The following LAPTM4B variants were observed in gnomAD, a reference collection of about 807,000 sequenced individuals.
LAPTM4B encodes lysosomal-associated transmembrane protein 4B.
LAPTM4B carries 26 observed loss-of-function variants against 28.5 expected under a neutral mutation model. The observed-to-expected ratio is 0.91, with a 90% CI of 0.67 to 1.27. LAPTM4B has a LOEUF of 1.27. Among genes scored for constraint, LAPTM4B ranks in the 50% most tolerant of loss-of-function variants. LAPTM4B has a pLI of 0.00. For missense variants in LAPTM4B, 288 were observed against 285.8 expected (o/e 1.01, Z -0.06); for synonymous variants, 109 against 106.4 (o/e 1.02, Z -0.15).
At chr8:97,800,484 C>CTTTTTTTT (rs546425169) in intron 1 of LAPTM4B, among the ~76,000 whole-genome samples, 6 of 69,322 alleles carry the variant, frequency 8.7e-5, no homozygotes, top group African/African-American at 3.7e-4. Context: ...CCCTTGACCT[C>CTTTTTTTT]TTTTTTTTTT....
intron 6 of LAPTM4B, among the ~76,000 whole-genome samples, chr8:97,829,678 A>G (rs1817149530): frequency 6.7e-6 from 1 of 150,340 alleles, no homozygotes; most frequent in Non-Finnish European, 1.5e-5. Flanking sequence ...TTTTTGCTGA[A>G]TTTTTCTTTT....
intron 5 of LAPTM4B, among the ~76,000 whole-genome samples, chr8:97,820,827 C>T (rs771823607): frequency 4.0e-5 from 6 of 151,894 alleles, no homozygotes; most frequent in Non-Finnish European, 8.8e-5. Context: ...CTCCTAGGTT[C>T]AAGCAATTCT....
intron 6 of LAPTM4B, among the ~76,000 whole-genome samples, chr8:97,844,122 GT>G (rs1240335313): frequency 1.3e-4 from 19 of 151,510 alleles, no homozygotes; most frequent in Admixed American, 1.3e-3. Flanking sequence ...GGAGAGGGGG[GT>G]CTCTGTCATA....
At chr8:97,782,800 C>T (rs958826160) in intron 1 of LAPTM4B, among the ~76,000 whole-genome samples, 3 of 151,842 alleles carry the variant, frequency 2.0e-5, no homozygotes, top group African/African-American at 4.8e-5. Context: ...GGTGCAGTCT[C>T]GGCTCACTGC....
At chr8:97,837,195 C>CTTTTT (rs55645609) in intron 6 of LAPTM4B, among the ~76,000 whole-genome samples, 7 of 136,994 alleles carry the variant, frequency 5.1e-5, no homozygotes, top group Non-Finnish European at 7.8e-5. Flanking sequence ...CCTCCTGCCA[C>CTTTTT]TTTTTTTTTT....
At chr8:97,792,974 A>G (rs1586322762) in intron 1 of LAPTM4B, among the ~76,000 whole-genome samples, 1 of 152,198 alleles carries the variant, frequency 6.6e-6, no homozygotes, top group South Asian at 2.1e-4. Context: ...TCTGGTGTTA[A>G]TAGTGTCACC....
At chr8:97,840,621 C>G (rs1817330151) in intron 6 of LAPTM4B, among the ~76,000 whole-genome samples, 1 of 148,952 alleles carries the variant, frequency 6.7e-6, no homozygotes, top group Admixed American at 6.6e-5. Context: ...CTGTGAGGTA[C>G]TGTTACAAGG....
intron 6 of LAPTM4B, among the ~76,000 whole-genome samples, chr8:97,850,750 A>C (rs1024546676): frequency 2.1e-5 from 3 of 145,676 alleles, no homozygotes; most frequent in African/African-American, 7.9e-5. Flanking sequence ...CTTTTGTCTC[A>C]ATTATCTTAT....
chr8:97,790,931 G>A (rs1457018717), intron 1 of LAPTM4B, among the ~76,000 whole-genome samples: 2 of 152,164 alleles, frequency 1.3e-5, no homozygotes, highest in Non-Finnish European at 2.9e-5. Context: ...TGAGACAGGG[G>A]TCTCACTTTA....
chr8:97,838,410 T>C (rs1817294647), intron 6 of LAPTM4B, among the ~76,000 whole-genome samples: 1 of 152,234 alleles, frequency 6.6e-6, no homozygotes, highest in Non-Finnish European at 1.5e-5. Context: ...TCCGCAGACA[T>C]GTGGCAGTTG....
At chr8:97,777,139 T>A (rs968427731) in intron 1 of LAPTM4B, among the ~76,000 whole-genome samples, 3 of 87,638 alleles carry the variant, frequency 3.4e-5, no homozygotes, top group African/African-American at 1.7e-4. Flanking sequence ...TCAGTGAGGT[T>A]TTTTTTTTTT....
chr8:97,791,575 T>G (rs1816500135), intron 1 of LAPTM4B, among the ~76,000 whole-genome samples: 1 of 152,170 alleles, frequency 6.6e-6, no homozygotes. Context: ...TAGCCCCTTG[T>G]CAGATTGGGA....
chr8:97,829,961 C>G (rs1003028682), intron 6 of LAPTM4B, among the ~76,000 whole-genome samples: 1 of 152,146 alleles, frequency 6.6e-6, no homozygotes, highest in African/African-American at 2.4e-5. Context: ...TCCTAATGTG[C>G]TGGGATTACA....
chr8:97,815,856 C>T (rs973529660), intron 3 of LAPTM4B, among the ~76,000 whole-genome samples: 2 of 152,176 alleles, frequency 1.3e-5, no homozygotes, highest in African/African-American at 4.8e-5. Flanking sequence ...GTGTGAGACA[C>T]CACACACAGC....
In LAPTM4B at chr8:97,816,175, C is replaced by T; in HGVS notation, c.403C>T (p.Gln135Ter). 1 of 1,611,352 alleles carries T rather than the reference C, an allele frequency of 6.2e-7. No individual in the cohort carries two copies. The highest frequency in any genetic ancestry group is 8.5e-7 in the Non-Finnish European group (1 of 1,179,288). ...YPNSIQEYIR[Q>*]LPPNFPYRDD... ...AAACTCCATTCAGGAATACATACGGCAACTGGTACGTGGACCTCTTACTGC... is the reference window on the plus strand; with the variant it reads ...AAACTCCATTCAGGAATACATACGGTAACTGGTACGTGGACCTCTTACTGC... Residue 135 changes from glutamine (Q) to a stop codon, truncating the protein, a stop_gained, in exon 4 of 7, where the codon CAA (glutamine) becomes TAA (stop). Transcript: ENST00000521545. LOFTEE classifies it high-confidence loss of function.
At chr8:97,808,629 C>T (rs565140615) in intron 2 of LAPTM4B, among the ~76,000 whole-genome samples, 2 of 151,956 alleles carry the variant, frequency 1.3e-5, no homozygotes, top group African/African-American at 2.4e-5. Context: ...CTTTTCTGTA[C>T]CTTTATAACC....
rs760759937 is a variant in LAPTM4B, at chr8:97,775,833, C to T, written c.-177C>T. On this transcript the variant is annotated 5_prime_UTR_variant, in exon 1 of 7. Coordinates refer to ENST00000521545, the MANE Select transcript of LAPTM4B (RefSeq NM_018407.6). ...CGCCTTCGGAGCGAAGGGTACCGAC[C>T]CGGCAGAAGCTCGGAGCTCTCGGGG... is the stretch of plus-strand genomic sequence containing the variant. The T allele has an allele frequency of 2.3e-5, 35 of 1,549,546 alleles. No individual in the cohort carries two copies. The South Asian group carries it at 3.5e-4, about 16-fold the overall frequency.
At chr8:97,807,545 T>C (rs1816773209) in intron 2 of LAPTM4B, among the ~76,000 whole-genome samples, 1 of 152,246 alleles carries the variant, frequency 6.6e-6, no homozygotes, top group Non-Finnish European at 1.5e-5. Flanking sequence ...TTGTTATGGC[T>C]GGAACATGTG....
chr8:97,777,586 C>T (rs752630871), intron 1 of LAPTM4B, among the ~76,000 whole-genome samples: 38 of 152,124 alleles, frequency 2.5e-4, no homozygotes, highest in Non-Finnish European at 4.9e-4. Flanking sequence ...AAACATTTCA[C>T]CCCAGGCATA....
Sources: allele counts gnomAD v4.1 joint callset (sites outside exome capture counted in the v4.1 genomes callset), GRCh38; gene constraint gnomAD v4.1.1; transcripts MANE v1.5; gene names NCBI Gene and HGNC (gene_info 2026-07-23, HGNC 2026-07-21).